Variants in FAM53B observed in about 807,000 individuals in gnomAD.
FAM53B encodes family with sequence similarity 53 member B.
FAM53B carries 12 observed loss-of-function variants against 32.7 expected under a neutral mutation model. That is an observed-to-expected ratio of 0.37 (90% CI 0.24 to 0.59). FAM53B has a LOEUF of 0.59. Among genes scored for constraint, FAM53B ranks in the 20% least tolerant of loss-of-function variants. The pLI, the probability that FAM53B is intolerant of heterozygous loss-of-function variation, is 0.72. For synonymous variants in FAM53B, 234 were observed against 228.7 expected, an observed-to-expected ratio of 1.02 and a Z score of -0.21; for missense variants, 477 against 577.7, an observed-to-expected ratio of 0.83 and a Z score of 1.79.
intron 4 of FAM53B, among the ~76,000 whole-genome samples, chr10:124,676,870 C>T (rs1165485194): frequency 6.6e-6 from 1 of 152,172 alleles, no homozygotes; most frequent in African/African-American, 2.4e-5. Flanking sequence ...TTTCACGGTC[C>T]CTCAAACATC....
intron 1 of FAM53B, among the ~76,000 whole-genome samples, chr10:124,715,829 G>A (rs200028419): frequency 6.6e-6 from 1 of 152,334 alleles, no homozygotes; most frequent in East Asian, 1.9e-4. Flanking sequence ...TATAAGTTAA[G>A]GAGGTAACGC....
intron 4 of FAM53B, among the ~76,000 whole-genome samples, chr10:124,657,057 T>C (rs1337611593): frequency 1.3e-5 from 1 of 79,126 alleles, no homozygotes; most frequent in Non-Finnish European, 3.1e-5. Context: ...TATATGTATA[T>C]ATGTATATAT....
chr10:124,706,077 T>C (rs1338689218), intron 2 of FAM53B, among the ~76,000 whole-genome samples: 1 of 152,180 alleles, frequency 6.6e-6, no homozygotes, highest in Non-Finnish European at 1.5e-5. Flanking sequence ...TGGAGGTTGT[T>C]TTGCTCGTAG....
rs771430464 is a variant in FAM53B, at chr10:124,681,875, G to A, written c.638C>T (p.Pro213Leu). Residue 213 changes from proline (P) to leucine (L), a missense_variant, in exon 4 of 5, where the codon CCT (proline) becomes CTT (leucine). Pro to Leu is a moderately conservative substitution (Grantham distance 98, BLOSUM62 -3). Transcript: ENST00000337318. Reference protein sequence around the residue: ...PCGQAGDTWSPDLHPVGGGRL... With the variant: ...PCGQAGDTWSLDLHPVGGGRL... ...GCCTCCTCCCACGGGGTGCAGGTCAGGGCTCCAGGTGTCACCTGCCTGTCC... is the reference window on the plus strand; with the variant it reads ...GCCTCCTCCCACGGGGTGCAGGTCAAGGCTCCAGGTGTCACCTGCCTGTCC... 2 of 1,613,608 alleles carry A rather than the reference G, an allele frequency of 1.2e-6. No homozygotes were observed. Among genetic ancestry groups the A allele is most frequent in the Middle Eastern group, 1.7e-4 (1 of 6,060 alleles).
intron 3 of FAM53B, among the ~76,000 whole-genome samples, chr10:124,695,831 G>A (rs1003541995): frequency 6.6e-6 from 1 of 152,166 alleles, no homozygotes; most frequent in African/African-American, 2.4e-5. Context: ...AATATCAACA[G>A]TAACTCTCCC....
chr10:124,623,656 C>A (rs1949327444), intron 4 of FAM53B, 52 bp from the exon 5 acceptor site: 3 of 1,545,570 alleles, frequency 1.9e-6, no homozygotes, highest in South Asian at 2.5e-5. Flanking sequence ...CTCCCGCAGC[C>A]CCAGGACTGC....
chr10:124,699,586 A>C (rs1410842992), intron 2 of FAM53B, among the ~76,000 whole-genome samples: 4 of 152,222 alleles, frequency 2.6e-5, no homozygotes, highest in African/African-American at 9.6e-5. Flanking sequence ...CTTGCTCCTC[A>C]CTGAACAGAT....
intron 1 of FAM53B, among the ~76,000 whole-genome samples, chr10:124,741,424 G>A (rs1950198695): frequency 1.3e-5 from 2 of 152,220 alleles, no homozygotes; most frequent in Admixed American, 6.5e-5. Flanking sequence ...GGCATCGAGC[G>A]GTGGGTGAGA....
intron 2 of FAM53B, among the ~76,000 whole-genome samples, chr10:124,699,122 C>T (rs532122900): frequency 6.6e-6 from 1 of 152,338 alleles, no homozygotes; most frequent in South Asian, 2.1e-4. Flanking sequence ...TCTCTCCCAT[C>T]GCCTCATTTA....
At chr10:124,623,664 T>C in intron 4 of FAM53B, 60 bp from the exon 5 acceptor site, 2 of 1,522,836 alleles carry the variant, frequency 1.3e-6, no homozygotes, top group Non-Finnish European at 1.8e-6. Context: ...GCCCCAGGAC[T>C]GCACACCCCA....
intron 1 of FAM53B, among the ~76,000 whole-genome samples, chr10:124,728,105 G>T (rs1056123801): frequency 4.6e-5 from 7 of 152,226 alleles, no homozygotes; most frequent in Admixed American, 4.6e-4. Flanking sequence ...CCATGGACTC[G>T]CTTGGCTTCG....
At chr10:124,623,753 G>A in intron 4 of FAM53B, 149 bp from the exon 5 acceptor site, 2 of 802,030 alleles carry the variant, frequency 2.5e-6, no homozygotes, top group Non-Finnish European at 3.8e-6. Flanking sequence ...ACGGGCCCAT[G>A]AGCAACGTAC....
chr10:124,681,832 C>T lies in FAM53B; in HGVS notation c.681G>A (p.Arg227=). The T allele has an allele frequency of 1.9e-6, 3 of 1,611,856 alleles. No homozygotes were observed. The South Asian group carries it at 3.3e-5, about 18-fold the overall frequency. The change falls in exon 4 of 5, where the codon CGG becomes CGA. Residue 227 remains arginine, a synonymous_variant. Transcript: ENST00000337318. ...PVGGGRLDLQ[R]SLSCSHEQFS... ...ACTGCTCATGTGAGCAAGAGAGGGA[C>T]CGCTGCAGGTCCAGCCGGCCTCCTC... is the stretch of plus-strand genomic sequence containing the variant.
intron 4 of FAM53B, among the ~76,000 whole-genome samples, chr10:124,635,718 C>T (rs1949425855): frequency 6.6e-6 from 1 of 152,172 alleles, no homozygotes; most frequent in South Asian, 2.1e-4. Context: ...GAAGACGGAT[C>T]TCCCATGCCC....
intron 2 of FAM53B, 131 bp from the exon 3 acceptor site, chr10:124,696,343 G>A: frequency 1.2e-6 from 1 of 802,966 alleles, no homozygotes; most frequent in South Asian, 1.6e-5. Flanking sequence ...AGGGAAAGGA[G>A]GAAAAGGTAT....
rs545258451 is a variant in FAM53B at position 124,666,750 on chromosome 10, G to C, written c.906+14857C>G. On this transcript the variant is annotated intron_variant, in intron 4 of 4. Coordinates refer to ENST00000337318, the MANE Select transcript of FAM53B (RefSeq NM_014661.4). ...CAGAGAGCAGGGCAGGATGCTCAGA[G>C]AAACAGTGAACTCCCCGGGCCTCCC... Among the ~76,000 whole-genome samples the C allele has an allele frequency of 4.6e-5, 7 of 152,368 alleles. No individual in the cohort carries two copies. In the South Asian group the frequency reaches 1.0e-3, roughly 23 times the overall value.
At chr10:124,677,546 C>A (rs756918116) in intron 4 of FAM53B, among the ~76,000 whole-genome samples, 3 of 152,268 alleles carry the variant, frequency 2.0e-5, no homozygotes, top group Non-Finnish European at 4.4e-5. Context: ...GCGGCCACTG[C>A]TGGACTAGGT....
rs966138545 is a variant in FAM53B at position 124,698,156 on chromosome 10, T to A, written c.79-1944A>T. Among the ~76,000 whole-genome samples, 5 of 152,130 alleles carry A rather than the reference T, an allele frequency of 3.3e-5. No individual in the cohort carries two copies. The South Asian group carries it at 1.0e-3, about 31-fold the overall frequency. On this transcript the variant is annotated intron_variant, in intron 2 of 4. Coordinates refer to ENST00000337318, the MANE Select transcript of FAM53B (RefSeq NM_014661.4). ...CAGCTCCCAGCACTAAGGGAACACCTGGGCACAAGGAAATTACCCCCTGGG... is the reference window on the plus strand; with the variant it reads ...CAGCTCCCAGCACTAAGGGAACACCAGGGCACAAGGAAATTACCCCCTGGG...
chr10:124,687,890 A>G (rs1362397336), intron 3 of FAM53B, among the ~76,000 whole-genome samples: 1 of 152,218 alleles, frequency 6.6e-6, no homozygotes, highest in Non-Finnish European at 1.5e-5. Context: ...CAGACCATCC[A>G]GCACCACTGC....
Sources: allele counts gnomAD v4.1 joint callset (sites outside exome capture counted in the v4.1 genomes callset), GRCh38; gene constraint gnomAD v4.1.1; transcripts MANE v1.5; gene names NCBI Gene and HGNC (gene_info 2026-07-23, HGNC 2026-07-21).